Variants in BACH2 observed in about 807,000 individuals in gnomAD.
BACH2 encodes the protein transcription regulator protein BACH2.
A neutral mutation model predicts 61.8 loss-of-function variants in BACH2; 5 were observed. That is an observed-to-expected ratio of 0.08 (90% CI 0.04 to 0.17). The LOEUF (loss-of-function observed/expected upper bound fraction) is 0.17, where lower values mean the gene tolerates loss of function less well. Ranked by LOEUF, BACH2 falls within the 10% of genes least tolerant of loss-of-function variation. The probability of loss-of-function intolerance (pLI) is 1.00; values close to 1 mark genes in which losing one functional copy is unlikely to be tolerated. For synonymous variants in BACH2, 446 were observed against 440.1 expected (o/e 1.01, Z -0.17); for missense variants, 824 against 1,091.1 (o/e 0.76, Z 3.45).
intron 1 of BACH2, among the ~76,000 whole-genome samples, chr6:90,289,249 T>C (rs1772111836): frequency 6.6e-6 from 1 of 152,154 alleles, no homozygotes; most frequent in Non-Finnish European, 1.5e-5. Flanking sequence ...AGCCATAACA[T>C]GGTAAGAGAA....
Position 90,096,304 on chromosome 6 carries a change from C to T in BACH2, c.-161-7195G>A, listed in dbSNP as rs1782378982. ...AGAATTCCCTCCCACAACCCTTAGC[C>T]ATGCTGGTTACTTCTCCTTCACTAG... On this transcript the variant is annotated intron_variant, in intron 4 of 8. Coordinates refer to ENST00000257749, the MANE Select transcript of BACH2 (RefSeq NM_021813.4). 2.6e-5 allele frequency among the ~76,000 whole-genome samples: 4 copies of T among 152,210 alleles called. No individual in the cohort carries two copies. The South Asian group carries it at 6.2e-4, about 24-fold the overall frequency.
chr6:90,132,165 T>C (rs976074907), intron 4 of BACH2, among the ~76,000 whole-genome samples: 6 of 152,204 alleles, frequency 3.9e-5, no homozygotes, highest in Admixed American at 6.5e-5. Flanking sequence ...TAGAGACTCA[T>C]CCAAAGAGTG....
intron 4 of BACH2, among the ~76,000 whole-genome samples, chr6:90,206,334 T>C (rs903198172): frequency 6.6e-6 from 1 of 152,114 alleles, no homozygotes; most frequent in African/African-American, 2.4e-5. Flanking sequence ...AAACCCAGTA[T>C]TTCAGCCACT....
intron 4 of BACH2, among the ~76,000 whole-genome samples, chr6:90,156,806 T>C (rs1216653953): frequency 1.3e-5 from 2 of 151,906 alleles, no homozygotes; most frequent in South Asian, 2.1e-4. Context: ...TGCATAAAAA[T>C]GGAGAAAAGT....
At chr6:90,124,629 T>C (rs1783771858) in intron 4 of BACH2, among the ~76,000 whole-genome samples, 1 of 152,226 alleles carries the variant, frequency 6.6e-6, no homozygotes, top group South Asian at 2.1e-4. Flanking sequence ...TTTCTTAATA[T>C]ATGTACGGTA....
intron 4 of BACH2, among the ~76,000 whole-genome samples, chr6:90,168,722 A>C (rs1185894721): frequency 4.6e-5 from 7 of 152,312 alleles, no homozygotes; most frequent in South Asian, 2.1e-4. Context: ...TGAAAAAAAA[A>C]CACACATAAA....
chr6:89,974,266 C>G lies in BACH2; in HGVS notation c.244-22404G>C, dbSNP rs573755203. On this transcript the variant is annotated intron_variant, in intron 6 of 8. Transcript: ENST00000257749. ...CCTTTTGGCAAGTTAATTAACCTCT[C>G]CTGCTCCAGTTTCCTCACCTGCCAT... Among the ~76,000 whole-genome samples the G allele has an allele frequency of 1.1e-4, 17 of 152,294 alleles. No homozygotes were observed. In the South Asian group the frequency reaches 3.5e-3, roughly 32 times the overall value.
At chr6:90,103,029 A>ATATATATATATTTTTTTTTTT in intron 4 of BACH2, among the ~76,000 whole-genome samples, 6 of 21,166 alleles carry the variant, frequency 2.8e-4, no homozygotes, top group African/African-American at 7.2e-4. Context: ...ATATATATAT[A>ATATATATATATTTTTTTTTTT]TTTTTTTTTT....
intron 6 of BACH2, among the ~76,000 whole-genome samples, chr6:89,968,285 C>A (rs1775153082): frequency 6.6e-6 from 1 of 152,228 alleles, no homozygotes; most frequent in Non-Finnish European, 1.5e-5. Flanking sequence ...TCAGTTTGGG[C>A]ATTTAATCAC....
Position 90,077,806 on chromosome 6 carries a change from T to C in BACH2, c.-13+11155A>G, listed in dbSNP as rs1044771625. ...TTAAGATACAGTCATAACTTCTCTT[T>C]AACTTTGATAAATGAAGAAACAGCA... On this transcript the variant is annotated intron_variant, in intron 5 of 8. Transcript: ENST00000257749. Among the ~76,000 whole-genome samples the C allele has an allele frequency of 1.7e-4, 26 of 152,318 alleles. 1 individual carries two copies. The highest frequency in any genetic ancestry group is 1.5e-3 in the Admixed American group (23 of 15,296).
chr6:89,985,057 AGG>A (rs1298016733), intron 6 of BACH2, among the ~76,000 whole-genome samples: 1 of 152,162 alleles, frequency 6.6e-6, no homozygotes, highest in Admixed American at 6.5e-5. Context: ...TTCCAGGGAT[AGG>A]ACTGTGAGTT....
intron 2 of BACH2, among the ~76,000 whole-genome samples, chr6:90,253,779 A>C (rs924223439): frequency 1.3e-5 from 2 of 152,216 alleles, no homozygotes; most frequent in Non-Finnish European, 2.9e-5. Flanking sequence ...GTTACACCAT[A>C]TATTTCATAT....
intron 1 of BACH2, among the ~76,000 whole-genome samples, chr6:90,289,697 A>C (rs906024361): frequency 3.9e-5 from 6 of 151,928 alleles, no homozygotes; most frequent in African/African-American, 1.2e-4. Context: ...AAAACAAAAA[A>C]CCTTTGTGTT....
chr6:90,294,780 C>G (rs1772286206), intron 1 of BACH2, among the ~76,000 whole-genome samples: 1 of 152,178 alleles, frequency 6.6e-6, no homozygotes, highest in Non-Finnish European at 1.5e-5. Context: ...GGAGGGGCAG[C>G]CTTTCACGCT....
intron 5 of BACH2, among the ~76,000 whole-genome samples, chr6:90,031,162 G>A (rs1053585165): frequency 5.9e-5 from 9 of 152,082 alleles, no homozygotes; most frequent in African/African-American, 2.2e-4. Context: ...CAACCTTCAT[G>A]CTAAAAATTC....
chr6:90,115,027 C>G (rs1783332738), intron 4 of BACH2, among the ~76,000 whole-genome samples: 1 of 152,028 alleles, frequency 6.6e-6, no homozygotes, highest in Admixed American at 6.6e-5. Flanking sequence ...AGAGAAGACA[C>G]AAACAAATGG....
intron 3 of BACH2, among the ~76,000 whole-genome samples, chr6:90,230,933 G>C (rs1426724849): frequency 1.3e-5 from 2 of 152,184 alleles, no homozygotes; most frequent in Non-Finnish European, 2.9e-5. Context: ...ATGCCTGAGA[G>C]GTGCATTATC....
chr6:90,013,632 A>G (rs1283743810), intron 5 of BACH2, among the ~76,000 whole-genome samples: 10 of 150,072 alleles, frequency 6.7e-5, no homozygotes, highest in Admixed American at 1.3e-4. Context: ...TCAGCCTCCC[A>G]AGTAGCTGGG....
chr6:90,030,557 C>T (rs1778916188), intron 5 of BACH2, among the ~76,000 whole-genome samples: 2 of 152,130 alleles, frequency 1.3e-5, no homozygotes, highest in Non-Finnish European at 1.5e-5. Context: ...AAACTACCAT[C>T]AGAGAATACG....
Sources: gnomAD v4.1 joint callset for allele counts (sites outside exome capture counted in the v4.1 genomes callset) on GRCh38, gnomAD v4.1.1 for gene constraint, MANE v1.5 for transcripts, NCBI Gene and HGNC (gene_info 2026-07-23, HGNC 2026-07-21) for gene names.